Variants in CEP112 observed in about 807,000 individuals in gnomAD.
CEP112 encodes centrosomal protein of 112 kDa.
A neutral mutation model predicts 153.0 loss-of-function variants in CEP112; 127 were observed. That is an observed-to-expected ratio of 0.83 (90% CI 0.72 to 0.96). The LOEUF (loss-of-function observed/expected upper bound fraction) is 0.96. CEP112 is among the 40% of genes least tolerant of loss of function. CEP112 has a pLI of 0.00. For missense variants in CEP112, 1,089 were observed against 1,101.2 expected, an observed-to-expected ratio of 0.99 and a Z score of 0.16; for synonymous variants, 358 against 374.4, an observed-to-expected ratio of 0.96 and a Z score of 0.51.
chr17:66,115,259 C>A (rs761178017), intron 6 of CEP112, among the ~76,000 whole-genome samples: 2 of 152,112 alleles, frequency 1.3e-5, no homozygotes, highest in African/African-American at 2.4e-5. Flanking sequence ...GAGTAATGGG[C>A]TCTAGCACAC....
intron 23 of CEP112, among the ~76,000 whole-genome samples, chr17:65,716,696 G>T (rs184008640): frequency 6.6e-6 from 1 of 152,150 alleles, no homozygotes; most frequent in Non-Finnish European, 1.5e-5. Flanking sequence ...TTTCCATCTG[G>T]GATACAAGGA....
intron 17 of CEP112, among the ~76,000 whole-genome samples, chr17:65,984,557 CA>C (rs1175579580): frequency 1.3e-5 from 2 of 151,846 alleles, no homozygotes; most frequent in African/African-American, 2.4e-5. Flanking sequence ...AAAAAAAGCA[CA>C]AAAGCAGCAA....
chr17:66,006,737 C>G (rs12942159), intron 16 of CEP112, among the ~76,000 whole-genome samples: 61,363 of 151,980 alleles, frequency 0.4, 13,847 homozygotes, highest in East Asian at 0.87. Context: ...AGGAAGGAAT[C>G]AAACAGCAGC....
intron 17 of CEP112, among the ~76,000 whole-genome samples, chr17:65,966,936 T>C (rs374879602): frequency 2.0e-5 from 3 of 152,188 alleles, no homozygotes; most frequent in Non-Finnish European, 4.4e-5. Context: ...AATCAATGCA[T>C]GCAGGGCCAC....
At chr17:65,640,156 T>TATATATATATATATATATATA (rs1567796006) in intron 25 of CEP112, among the ~76,000 whole-genome samples, 4 of 32,334 alleles carry the variant, frequency 1.2e-4, no homozygotes, top group African/African-American at 9.1e-4. Context: ...ATATATATAT[T>TATATATATATATATATATATA]TTTTTTTTTT....
rs1462687538 is a variant in CEP112, at chr17:66,149,871, TTTTTTTTTGTTTGTTTG to T, written c.471-17125_471-17109del. On this transcript the variant is annotated intron_variant, in intron 4 of 26. Transcript: ENST00000535342. Reference sequence around the variant, plus strand: ...TTCCTTAAGGTGTAAATTTAGGGTTTTTTTTTTTGTTTGTTTGTTTTTTTTTTTTTTTTTTTTTGAGA... The same window carrying T: ...TTCCTTAAGGTGTAAATTTAGGGTTTTTTTTTTTTTTTTTTTTTTTTGAGA... 5.2e-4 allele frequency among the ~76,000 whole-genome samples: 43 copies of T among 82,926 alleles called. 1 individual carries two copies. The highest frequency in any genetic ancestry group is 9.0e-4 in the Non-Finnish European group (38 of 42,090). The allele number at this position is 82,926 out of a possible 152,430, so 54.4% of individuals were successfully genotyped here. A position where few individuals can be genotyped will look rare whatever the true frequency, so the allele number is the denominator to read the frequency against.
intron 8 of CEP112, among the ~76,000 whole-genome samples, chr17:66,081,785 C>T (rs775027872): frequency 6.6e-5 from 10 of 151,966 alleles, no homozygotes; most frequent in African/African-American, 1.2e-4. Flanking sequence ...CATGGTGGCA[C>T]GCATCTGTAG....
intron 24 of CEP112, among the ~76,000 whole-genome samples, chr17:65,646,109 T>G (rs2045416745): frequency 6.6e-6 from 1 of 152,222 alleles, no homozygotes; most frequent in South Asian, 2.1e-4. Flanking sequence ...TGTGATGGTT[T>G]CTCTCTAGTA....
At chr17:66,159,120 G>C (rs2071580243) in intron 4 of CEP112, among the ~76,000 whole-genome samples, 1 of 152,082 alleles carries the variant, frequency 6.6e-6, no homozygotes, top group Non-Finnish European at 1.5e-5. Flanking sequence ...TAAATTCCTG[G>C]ACACATACAC....
At chr17:66,075,238 C>T (rs2067447479) in intron 8 of CEP112, among the ~76,000 whole-genome samples, 1 of 152,034 alleles carries the variant, frequency 6.6e-6, no homozygotes, top group South Asian at 2.1e-4. Flanking sequence ...GTATTTAGAA[C>T]TATGACAATA....
intron 24 of CEP112, among the ~76,000 whole-genome samples, chr17:65,668,477 C>T (rs939869238): frequency 2.0e-5 from 3 of 152,174 alleles, no homozygotes; most frequent in Non-Finnish European, 2.9e-5. Flanking sequence ...ACTCAGATCC[C>T]CCACCTGGAA....
intron 21 of CEP112, among the ~76,000 whole-genome samples, chr17:65,779,941 T>C (rs767112685): frequency 5.3e-5 from 8 of 152,230 alleles, no homozygotes; most frequent in South Asian, 2.1e-4. Context: ...CATTAAATAC[T>C]GGACCTACTG....
At chr17:65,838,597 TA>T (rs2057405568) in intron 21 of CEP112, among the ~76,000 whole-genome samples, 1 of 151,916 alleles carries the variant, frequency 6.6e-6, no homozygotes, top group Admixed American at 6.5e-5. Flanking sequence ...CTAGGAAATA[TA>T]AAAGGTAGAA....
At chr17:65,688,011 A>G (rs1043027776) in intron 24 of CEP112, among the ~76,000 whole-genome samples, 28 of 152,234 alleles carry the variant, frequency 1.8e-4, no homozygotes, top group African/African-American at 6.3e-4. Flanking sequence ...ATCAAGATTC[A>G]TGGTCTCTAG....
At chr17:65,959,419 T>A (rs551797876) in intron 18 of CEP112, among the ~76,000 whole-genome samples, 239 of 152,332 alleles carry the variant, frequency 1.6e-3, no homozygotes, top group African/African-American at 5.6e-3. Context: ...ATACCTCATT[T>A]TTCCTAGTCG....
chr17:65,701,329 A>G (rs548865701), intron 23 of CEP112, among the ~76,000 whole-genome samples: 1 of 152,346 alleles, frequency 6.6e-6, no homozygotes, highest in East Asian at 1.9e-4. Context: ...ACTAAGACAG[A>G]GAACACAGTA....
intron 20 of CEP112, among the ~76,000 whole-genome samples, chr17:65,858,686 T>C (rs2146365938): frequency 6.6e-6 from 1 of 152,354 alleles, no homozygotes; most frequent in Non-Finnish European, 1.5e-5. Context: ...GGTTGCCTAC[T>C]TCATTAACAA....
chr17:65,768,942 G>C (rs1324641620), intron 21 of CEP112, among the ~76,000 whole-genome samples: 3 of 152,026 alleles, frequency 2.0e-5, no homozygotes, highest in African/African-American at 7.2e-5. Flanking sequence ...AGAACCATTA[G>C]ACAGTAAGAA....
At chr17:65,930,587 T>C (rs1173492938) in intron 18 of CEP112, among the ~76,000 whole-genome samples, 1 of 152,242 alleles carries the variant, frequency 6.6e-6, no homozygotes, top group Non-Finnish European at 1.5e-5. Context: ...TACTGATTCA[T>C]AGATAATTAG....
Sources: allele counts gnomAD v4.1 joint callset (sites outside exome capture counted in the v4.1 genomes callset), GRCh38; gene constraint gnomAD v4.1.1; transcripts MANE v1.5; gene names NCBI Gene and HGNC (gene_info 2026-07-23, HGNC 2026-07-21).